PIP5K1C: variants seen among roughly 807,000 people sequenced by gnomAD.
PIP5K1C encodes the protein phosphatidylinositol 4-phosphate 5-kinase type-1 gamma.
In PIP5K1C, 45 loss-of-function variants were observed where a neutral mutation model predicts 80.1. That is an observed-to-expected ratio of 0.56 (90% CI 0.44 to 0.72). The LOEUF is 0.72. Among genes scored for constraint, PIP5K1C ranks in the 30% least tolerant of loss-of-function variants. PIP5K1C has a pLI of 0.00. For missense variants in PIP5K1C, 753 were observed against 954.6 expected, an observed-to-expected ratio of 0.79 and a Z score of 2.78; for synonymous variants, 498 against 420.1, an observed-to-expected ratio of 1.19 and a Z score of -2.27.
chr19:3,633,709 G>A (rs1240740046), intron 16 of PIP5K1C, among the ~76,000 whole-genome samples, 189 bp from the exon 17 acceptor site: 1 of 152,128 alleles, frequency 6.6e-6, no homozygotes, highest in Non-Finnish European at 1.5e-5. Context: ...GACGGGCCTG[G>A]GGCCTCAGCT....
At chr19:3,661,596 G>A (rs953057942) in intron 4 of PIP5K1C, among the ~76,000 whole-genome samples, 19 of 152,246 alleles carry the variant, frequency 1.2e-4, no homozygotes, top group East Asian at 9.6e-4. Flanking sequence ...GGAACCTCCT[G>A]ACCAGCCCTG....
intron 4 of PIP5K1C, 77 bp from the exon 5 acceptor site, chr19:3,661,160 G>A (rs1041644331): frequency 1.0e-6 from 1 of 977,096 alleles, no homozygotes; most frequent in East Asian, 2.4e-5. Flanking sequence ...GTCCCTCCTA[G>A]TGCCTCTAGC....
rs1226212871 is a variant in PIP5K1C, at chr19:3,692,568, A to G, written c.94+7729T>C. On this transcript the variant is annotated intron_variant, in intron 1 of 17. Transcript: ENST00000335312. The surrounding 1 kb of genome is among the most constrained non-coding windows in gnomAD (Gnocchi z 5.2). ...ATCCATCCCAGATGGCGCACTGCTCATGGTCCCCACCTGGCCCAGCCCCAG... is the reference window on the plus strand; with the variant it reads ...ATCCATCCCAGATGGCGCACTGCTCGTGGTCCCCACCTGGCCCAGCCCCAG... Among the ~76,000 whole-genome samples the G allele has an allele frequency of 6.6e-6, 1 of 152,038 alleles. No individual in the cohort carries two copies. The highest frequency in any genetic ancestry group is 1.5e-5 in the Non-Finnish European group (1 of 67,972).
At chr19:3,650,646 T>TG (rs1270764125) in intron 8 of PIP5K1C, among the ~76,000 whole-genome samples, 1 of 152,208 alleles carries the variant, frequency 6.6e-6, no homozygotes, top group Admixed American at 6.5e-5. Context: ...CTGAGCCCTG[T>TG]GAGGGCAGGG....
rs1242333424 is a variant in PIP5K1C at position 3,692,204 on chromosome 19, A to G, written c.94+8093T>C. ...AACTGAGGCACGGAGCGGCTGGGCA[A>G]CCGAACCCAATCATCTCAGCTGTCC... On this transcript the variant is annotated intron_variant, in intron 1 of 17. Transcript: ENST00000335312. The surrounding 1 kb of genome is among the most constrained non-coding windows in gnomAD (Gnocchi z 5.2). Among the ~76,000 whole-genome samples the G allele has an allele frequency of 2.6e-5, 4 of 152,178 alleles. No homozygotes were observed. Among genetic ancestry groups the G allele is most frequent in the Admixed American group, 1.3e-4 (2 of 15,284 alleles).
intron 1 of PIP5K1C, among the ~76,000 whole-genome samples, chr19:3,693,334 C>A (rs955474283): frequency 2.0e-5 from 3 of 152,182 alleles, no homozygotes; most frequent in African/African-American, 7.2e-5. Context: ...TCCCCTCGCA[C>A]CCCCATGCCA....
chr19:3,651,674 G>A (rs1179321852), intron 8 of PIP5K1C, 152 bp downstream of exon 8: 1 of 792,098 alleles, frequency 1.3e-6, no homozygotes, highest in African/African-American at 1.7e-5. Flanking sequence ...TTCGCTCTGA[G>A]GCGCTGGCAC....
chr19:3,683,765 G>GGCAC (rs753092559), intron 1 of PIP5K1C, among the ~76,000 whole-genome samples: 14 of 152,312 alleles, frequency 9.2e-5, no homozygotes, highest in Non-Finnish European at 1.9e-4. Flanking sequence ...GGCACAGCCA[G>GGCAC]TACGGAGGCC....
rs1238338905 is a variant in PIP5K1C, at chr19:3,661,272, C to T, written c.351-189G>A. Among the ~76,000 whole-genome samples, 7 of 152,056 alleles carry T rather than the reference C, an allele frequency of 4.6e-5. No homozygotes were observed. In the East Asian group the frequency reaches 1.4e-3, roughly 29 times the overall value. On this transcript the variant is annotated intron_variant, in intron 4 of 17. Transcript: ENST00000335312. ...GGGACTGTCCCCCAGTAACCACCCTCTCTTCTTTCATTAACAACGGGGCCC... is the reference window on the plus strand; with the variant it reads ...GGGACTGTCCCCCAGTAACCACCCTTTCTTCTTTCATTAACAACGGGGCCC...
chr19:3,679,594 T>A (rs972346224), intron 1 of PIP5K1C, among the ~76,000 whole-genome samples: 1 of 152,090 alleles, frequency 6.6e-6, no homozygotes, highest in Non-Finnish European at 1.5e-5. Flanking sequence ...CACCGGTGAA[T>A]GGAGCTGGGG....
In PIP5K1C at chr19:3,696,873, C is replaced by T. The variant is rs1024699986; in HGVS notation, c.94+3424G>A. Among the ~76,000 whole-genome samples the T allele has an allele frequency of 6.6e-6, 1 of 152,116 alleles. No individual in the cohort carries two copies. Among genetic ancestry groups the T allele is most frequent in the African/African-American group, 2.4e-5 (1 of 41,420 alleles). The stretch of plus-strand genomic sequence containing the variant: ...AGCAGAGGAGGGTCGGGACTCGGGC[C>T]GCTGGTTTTTAATGGGGTCCTCCTG... On this transcript the variant is annotated intron_variant, in intron 1 of 17. Coordinates refer to ENST00000335312, the MANE Select transcript of PIP5K1C (RefSeq NM_012398.3). The surrounding 1 kb of genome is among the most constrained non-coding windows in gnomAD (Gnocchi z 4.1).
At position 3,644,271 on chromosome 19, in the gene PIP5K1C, T is replaced by G. The variant is rs749378065; in HGVS notation, c.1346-20A>C. 6.2e-7 allele frequency: 1 copy of G among 1,608,802 alleles called. No homozygotes were observed. Among genetic ancestry groups the G allele is most frequent in the South Asian group, 1.1e-5 (1 of 90,988 alleles). ...TCAGGGCTGCAGGGAAGGGTGGGGG[T>G]TGGTGCTTGGGGTTGCTGGGGGCTC... On this transcript the variant is annotated intron_variant, in intron 11 of 17. Coordinates refer to ENST00000335312, the MANE Select transcript of PIP5K1C (RefSeq NM_012398.3).
chr19:3,670,990 T>C (rs2035186778), intron 1 of PIP5K1C, among the ~76,000 whole-genome samples: 1 of 152,178 alleles, frequency 6.6e-6, no homozygotes, highest in South Asian at 2.1e-4. Flanking sequence ...TGCTGGACGC[T>C]GACGTGATGT....
chr19:3,656,139 C>A (rs1010529142), intron 6 of PIP5K1C, among the ~76,000 whole-genome samples: 1 of 152,208 alleles, frequency 6.6e-6, no homozygotes, highest in African/African-American at 2.4e-5. Flanking sequence ...GGATGGGGAG[C>A]CAGGCAGGGG....
At chr19:3,651,412 T>C (rs1195643894) in intron 8 of PIP5K1C, among the ~76,000 whole-genome samples, 2 of 152,200 alleles carry the variant, frequency 1.3e-5, no homozygotes, top group Admixed American at 1.3e-4. Flanking sequence ...CTTCGTGGGC[T>C]GTGTCCTGCT....
chr19:3,639,124 T>G, intron 15 of PIP5K1C, 108 bp from the exon 16 acceptor site: 1 of 1,361,202 alleles, frequency 7.3e-7, no homozygotes. Context: ...ATCACGGAGA[T>G]GAAAAGCCAG....
Position 3,653,252 on chromosome 19 carries a change from C to T in PIP5K1C, c.921+38G>A. On this transcript the variant is annotated intron_variant, in intron 7 of 17. Transcript: ENST00000335312. Reference sequence around the variant, plus strand: ...CCGAGCCCTCACCACGCAGTCCCACCTGCCACCCTCCCTCCCCGGCCGGGG... The same window carrying T: ...CCGAGCCCTCACCACGCAGTCCCACTTGCCACCCTCCCTCCCCGGCCGGGG... 4 of 1,591,582 alleles carry T rather than the reference C, an allele frequency of 2.5e-6. No individual in the cohort carries two copies. The African/African-American group carries it at 5.3e-5, about 21-fold the overall frequency.
intron 5 of PIP5K1C, among the ~76,000 whole-genome samples, chr19:3,659,733 G>T (rs1161590890): frequency 1.3e-5 from 2 of 152,300 alleles, no homozygotes; most frequent in South Asian, 2.1e-4. Flanking sequence ...GGAGGGGGGG[G>T]TGTCACACGT....
chr19:3,690,464 T>C (rs2145607900), intron 1 of PIP5K1C, among the ~76,000 whole-genome samples: 1 of 146,318 alleles, frequency 6.8e-6, no homozygotes, highest in South Asian at 2.1e-4. Flanking sequence ...GCCTGGGTGA[T>C]ACAGCGAGAC....
Sources: allele counts gnomAD v4.1 joint callset (sites outside exome capture counted in the v4.1 genomes callset), GRCh38; gene constraint gnomAD v4.1.1; non-coding constraint Gnocchi (gnomAD v3.1); transcripts MANE v1.5; gene names NCBI Gene and HGNC (gene_info 2026-07-23, HGNC 2026-07-21).